SHLD1: variants seen among roughly 807,000 people sequenced by gnomAD.
The protein encoded by SHLD1 is shieldin complex subunit 1.
A neutral mutation model predicts 5.5 loss-of-function variants in SHLD1; 3 were observed. The observed-to-expected ratio is 0.54, with a 90% CI of 0.25 to 1.40. SHLD1 has a LOEUF of 1.40. Ranked by LOEUF, SHLD1 falls within the 40% of genes most tolerant of loss-of-function variation. SHLD1 has a pLI of 0.15. For missense variants in SHLD1, 210 were observed against 244.4 expected (o/e 0.86, Z 0.94); for synonymous variants, 92 against 94.3 (o/e 0.98, Z 0.14).
intron 2 of SHLD1, among the ~76,000 whole-genome samples, chr20:5,826,858 C>G (rs553165860): frequency 6.6e-6 from 1 of 152,262 alleles, no homozygotes; most frequent in African/African-American, 2.4e-5. Flanking sequence ...ATAGGTTTCA[C>G]GTAAGTGCTG....
chr20:5,847,011 G>A lies in SHLD1; in HGVS notation c.179-16013G>A, dbSNP rs774700551. Among the ~76,000 whole-genome samples, 2 of 152,096 alleles carry A rather than the reference G, an allele frequency of 1.3e-5. 1 individual carries two copies. The highest frequency in any genetic ancestry group is 4.2e-4 in the South Asian group (2 of 4,818). On this transcript the variant is annotated intron_variant, in intron 2 of 2. Transcript: ENST00000303142. The stretch of plus-strand genomic sequence containing the variant: ...ATCTGAATCCTTTAGGGAAGCCCTC[G>A]AACTCCCCTGCTCGGCCCATCATCA...
chr20:5,812,084 T>A (rs1387853138), intron 2 of SHLD1, among the ~76,000 whole-genome samples: 3 of 150,276 alleles, frequency 2.0e-5, no homozygotes, highest in Non-Finnish European at 4.4e-5. Context: ...TTTTTTCTTT[T>A]TTTTTCTTTT....
chr20:5,857,684 A>T (rs2088106741), intron 2 of SHLD1, among the ~76,000 whole-genome samples: 1 of 151,496 alleles, frequency 6.6e-6, no homozygotes, highest in South Asian at 2.1e-4. Context: ...GGTGGCATGC[A>T]CCTGTAGACC....
At chr20:5,853,371 G>A (rs2088036986) in intron 2 of SHLD1, among the ~76,000 whole-genome samples, 1 of 152,082 alleles carries the variant, frequency 6.6e-6, no homozygotes, top group South Asian at 2.1e-4. Context: ...GCTTGAACCT[G>A]GGAGGCAGAG....
chr20:5,863,203 T>C lies in SHLD1; in HGVS notation c.358T>C (p.Ser120Pro). Residue 120 changes from serine (S) to proline (P), a missense_variant, in exon 3 of 3, where the codon TCT (serine) becomes CCT (proline). Ser to Pro is a moderately conservative substitution (Grantham distance 74, BLOSUM62 -1). Transcript: ENST00000303142. Reference protein sequence around the residue: ...QPGSANSLSASVCKCLSQKIT... With the variant: ...QPGSANSLSAPVCKCLSQKIT... ...AGGCTCTGCAAACTCACTCTCTGCATCTGTCTGCAAGTGCCTGTCTCAGAA... is the reference window on the plus strand; with the variant it reads ...AGGCTCTGCAAACTCACTCTCTGCACCTGTCTGCAAGTGCCTGTCTCAGAA... 2 of 1,614,180 alleles carry C rather than the reference T, an allele frequency of 1.2e-6. No individual in the cohort carries two copies. Among genetic ancestry groups the C allele is most frequent in the Non-Finnish European group, 8.5e-7 (1 of 1,180,018 alleles).
intron 2 of SHLD1, among the ~76,000 whole-genome samples, chr20:5,860,536 G>C (rs1011126728): frequency 1.3e-5 from 2 of 152,068 alleles, no homozygotes; most frequent in Non-Finnish European, 2.9e-5. Flanking sequence ...CCCATTCACA[G>C]CTCTCCAGTT....
chr20:5,781,868 T>G (rs1282500239), intron 2 of SHLD1, among the ~76,000 whole-genome samples: 1 of 152,228 alleles, frequency 6.6e-6, no homozygotes, highest in Non-Finnish European at 1.5e-5. Context: ...GCCTGGAATA[T>G]TTGTTCAAAA....
intron 2 of SHLD1, among the ~76,000 whole-genome samples, chr20:5,786,649 T>A (rs2087064222): frequency 6.6e-6 from 1 of 152,008 alleles, no homozygotes; most frequent in Non-Finnish European, 1.5e-5. Context: ...AAGACCCCCA[T>A]TTCAGAGAAG....
chr20:5,819,977 T>C (rs1001604337), intron 2 of SHLD1, among the ~76,000 whole-genome samples: 1 of 152,192 alleles, frequency 6.6e-6, no homozygotes, highest in African/African-American at 2.4e-5. Context: ...GGAGTCTTGC[T>C]CTGTCGCCCA....
chr20:5,829,222 C>T (rs1179584730), intron 2 of SHLD1, among the ~76,000 whole-genome samples: 3 of 152,012 alleles, frequency 2.0e-5, no homozygotes, highest in Non-Finnish European at 1.5e-5. Flanking sequence ...TTTTAAAGGT[C>T]ACAAATGATG....
intron 1 of SHLD1, among the ~76,000 whole-genome samples, chr20:5,760,638 A>C (rs920688334): frequency 1.3e-5 from 2 of 151,958 alleles, no homozygotes; most frequent in African/African-American, 4.8e-5. Flanking sequence ...GGTTGCAGTG[A>C]GCCGAGATCA....
intron 2 of SHLD1, among the ~76,000 whole-genome samples, chr20:5,777,996 T>C (rs1985508628): frequency 6.6e-6 from 1 of 152,164 alleles, no homozygotes; most frequent in Admixed American, 6.5e-5. Context: ...TTTATATGTT[T>C]TGCCACAATA....
At chr20:5,793,066 C>T (rs1477001015) in intron 2 of SHLD1, among the ~76,000 whole-genome samples, 1 of 152,160 alleles carries the variant, frequency 6.6e-6, no homozygotes, top group Non-Finnish European at 1.5e-5. Context: ...TCTTGGCACC[C>T]TTGTCAAAGA....
At chr20:5,858,907 T>C (rs2088123709) in intron 2 of SHLD1, among the ~76,000 whole-genome samples, 1 of 152,356 alleles carries the variant, frequency 6.6e-6, no homozygotes, top group East Asian at 1.9e-4. Context: ...ATTGGATGCA[T>C]GCAAAAGCAT....
intron 1 of SHLD1, among the ~76,000 whole-genome samples, chr20:5,757,947 G>T (rs1449430209): frequency 1.3e-5 from 2 of 152,130 alleles, no homozygotes; most frequent in African/African-American, 2.4e-5. Flanking sequence ...GAATTCCTGG[G>T]ATTAGGTCCA....
rs760054732 is a variant in SHLD1, at chr20:5,863,139, C to T, written c.294C>T (p.Ser98=). The T allele has an allele frequency of 1.1e-5, 18 of 1,614,016 alleles. No individual in the cohort carries two copies. The South Asian group carries it at 2.0e-4, about 18-fold the overall frequency. Residue 98 remains serine (S), a synonymous_variant, in exon 3 of 3, where the codon TCC becomes TCT. Coordinates refer to ENST00000303142, the MANE Select transcript of SHLD1 (RefSeq NM_152504.4). ...AAGAGGATGATGGCCTTCGGAAATC[C>T]CTGGATAGATTCTATGAAATGTTTG... The part of the protein sequence containing the change: ...EKEEDDGLRK[S]LDRFYEMFGH...
At chr20:5,854,791 T>C (rs2088059974) in intron 2 of SHLD1, among the ~76,000 whole-genome samples, 1 of 152,080 alleles carries the variant, frequency 6.6e-6, no homozygotes, top group Non-Finnish European at 1.5e-5. Context: ...TCTGTACCCA[T>C]TAAACACTAA....
intron 2 of SHLD1, among the ~76,000 whole-genome samples, chr20:5,860,730 C>A (rs1188878264): frequency 1.3e-5 from 2 of 151,960 alleles, no homozygotes; most frequent in South Asian, 2.1e-4. Flanking sequence ...TGCTTCTATG[C>A]CATCAGAACA....
At chr20:5,861,205 T>C (rs1034738663) in intron 2 of SHLD1, among the ~76,000 whole-genome samples, 1 of 152,250 alleles carries the variant, frequency 6.6e-6, no homozygotes, top group African/African-American at 2.4e-5. Context: ...CAGAATAAGA[T>C]TGCAGGTCAC....
Sources: gnomAD v4.1 joint callset for allele counts (sites outside exome capture counted in the v4.1 genomes callset) on GRCh38, gnomAD v4.1.1 for gene constraint, MANE v1.5 for transcripts, NCBI Gene and HGNC (gene_info 2026-07-23, HGNC 2026-07-21) for gene names.